LIMA1: variants seen among roughly 807,000 people sequenced by gnomAD.
The protein encoded by LIMA1 is LIM domain and actin binding 1, also known as LIM domain and actin-binding protein 1.
In LIMA1, 52 loss-of-function variants were observed where a neutral mutation model predicts 62.6. That is an observed-to-expected ratio of 0.83 (90% CI 0.67 to 1.05). The LOEUF (loss-of-function observed/expected upper bound fraction) is 1.05, where lower values mean the gene tolerates loss of function less well. LIMA1 is among the 50% of genes least tolerant of loss of function. The pLI, the probability that LIMA1 is intolerant of heterozygous loss-of-function variation, is 0.00. For synonymous variants in LIMA1, 302 were observed against 317.8 expected, an observed-to-expected ratio of 0.95 and a Z score of 0.53; for missense variants, 780 against 902.2, an observed-to-expected ratio of 0.86 and a Z score of 1.74.
At chr12:50,274,753 G>A (rs756313377) in intron 1 of LIMA1, among the ~76,000 whole-genome samples, 2 of 152,144 alleles carry the variant, frequency 1.3e-5, no homozygotes, top group African/African-American at 4.8e-5. Flanking sequence ...ATCAGGGAAG[G>A]CCTCATTGAG....
chr12:50,194,279 G>A (rs956641487), intron 8 of LIMA1, among the ~76,000 whole-genome samples: 15 of 150,174 alleles, frequency 1.0e-4, no homozygotes, highest in African/African-American at 2.9e-4. Context: ...GTGAGCCACC[G>A]TGCCTGGCCA....
chr12:50,232,043 C>CTTTTT lies in LIMA1; in HGVS notation c.120-338_120-334dup, dbSNP rs750844822. 8.1e-4 allele frequency among the ~76,000 whole-genome samples: 68 copies of CTTTTT among 83,476 alleles called. 1 individual carries two copies. The highest frequency in any genetic ancestry group is 1.5e-3 in the African/African-American group (28 of 18,920). The allele number at this position is 83,476 out of a possible 152,430, so 54.8% of individuals were successfully genotyped here. ...TCGGCCTCCCAAAGTGAGTGCCCAG[C>CTTTTT]TTTTTTTTTTTTTTTTTTTTTTTTG... On this transcript the variant is annotated intron_variant, in intron 2 of 10. Coordinates refer to ENST00000341247, the MANE Select transcript of LIMA1 (RefSeq NM_016357.5).
intron 9 of LIMA1, 66 bp from the exon 10 acceptor site, chr12:50,182,103 C>T (rs1940518004): frequency 6.3e-7 from 1 of 1,575,746 alleles, no homozygotes; most frequent in Admixed American, 1.7e-5. Context: ...TGAGATGGAC[C>T]CTAGAATTTA....
chr12:50,273,627 T>C (rs188661062), intron 1 of LIMA1, among the ~76,000 whole-genome samples: 5 of 152,336 alleles, frequency 3.3e-5, no homozygotes, highest in Admixed American at 1.3e-4. Context: ...TTCATTATAA[T>C]GTCTGGTTCA....
At chr12:50,201,574 A>T in intron 6 of LIMA1, 4 of 954,048 alleles carry the variant, frequency 4.2e-6, no homozygotes, top group Non-Finnish European at 5.0e-6. Context: ...TGGGGTGAAT[A>T]TTACAATTAA....
chr12:50,208,364 T>C (rs892935296), intron 4 of LIMA1, among the ~76,000 whole-genome samples: 1 of 152,114 alleles, frequency 6.6e-6, no homozygotes, highest in Non-Finnish European at 1.5e-5. Context: ...CCCGCACCTG[T>C]AATCCCAGCT....
intron 1 of LIMA1, among the ~76,000 whole-genome samples, chr12:50,264,370 T>A (rs1332047899): frequency 1.3e-5 from 2 of 152,192 alleles, no homozygotes; most frequent in African/African-American, 4.8e-5. Flanking sequence ...GGTATATAAT[T>A]TTTCAATAAA....
Position 50,192,545 on chromosome 12 carries a change from C to A in LIMA1, c.1047G>T (p.Lys349Asn). Reference sequence around the variant, plus strand: ...GATGGACAGGCTGTTGAACCTCACTCTTAACCTGGGAGTCACCTGCTTGAG... The same window carrying A: ...GATGGACAGGCTGTTGAACCTCACTATTAACCTGGGAGTCACCTGCTTGAG... Reference protein sequence around the residue: ...AEDDSRDSQVKSEVQQPVHPK... With the variant: ...AEDDSRDSQVNSEVQQPVHPK... The change falls in exon 9 of 11, where the codon AAG becomes AAT. Residue 349 changes from lysine to asparagine, a missense_variant. By Grantham distance (94) the Lys-to-Asn change is moderately conservative. Transcript: ENST00000341247. 1 of 1,613,322 alleles carries A rather than the reference C, an allele frequency of 6.2e-7. No individual in the cohort carries two copies. Among genetic ancestry groups the A allele is most frequent in the South Asian group, 1.1e-5 (1 of 91,064 alleles).
In LIMA1 at chr12:50,206,078, G is replaced by A. The variant is rs777217338; in HGVS notation, c.631-10C>T. On this transcript the variant is annotated splice_polypyrimidine_tract_variant and intron_variant, in intron 4 of 10. Transcript: ENST00000341247. ...TTTGGGCCCGGAGAATCTGGAAAAC[G>A]AAACCCAACGATAAGTTTTGCAGAA... 5.6e-6 allele frequency: 9 copies of A among 1,609,266 alleles called. No homozygotes were observed. Among genetic ancestry groups the A allele is most frequent in the Middle Eastern group, 1.6e-4 (1 of 6,062 alleles).
In LIMA1 at chr12:50,222,389, CTG is replaced by C; in HGVS notation, c.260_261del (p.Thr87ArgfsTer9). 1 of 1,614,148 alleles carries C rather than the reference CTG, an allele frequency of 6.2e-7. No homozygotes were observed. The highest frequency in any genetic ancestry group is 8.5e-7 in the Non-Finnish European group (1 of 1,180,032). Reference sequence around the variant, plus strand: ...TCAGTGCTGCTGTTCCGTAGAGAGTCTGTGTGAGACTCTGCTCCCAGCCCTGG... The same window carrying C: ...TCAGTGCTGCTGTTCCGTAGAGAGTCTGTGAGACTCTGCTCCCAGCCCTGG... The part of the protein sequence containing the change: ...ENPGLGAESH[T>X]DSLRNSSTEI... On this transcript the variant is annotated frameshift_variant, in exon 4 of 11. Coordinates refer to ENST00000341247, the MANE Select transcript of LIMA1 (RefSeq NM_016357.5). LOFTEE classifies it high-confidence loss of function.
chr12:50,259,744 G>A (rs1233440550), intron 1 of LIMA1, among the ~76,000 whole-genome samples: 2 of 152,172 alleles, frequency 1.3e-5, no homozygotes, highest in Admixed American at 1.3e-4. Context: ...TCAGGTATGT[G>A]TAGAAACATG....
At position 50,222,339 on chromosome 12, in the gene LIMA1, A is replaced by G. The variant is rs536862615; in HGVS notation, c.312T>C (p.Pro104=). ...CAGCGTGGCTTGTCACTTCAGCAGG[A>G]GGATGGTCTGCTCTGTGCCTAATCT... is the stretch of plus-strand genomic sequence containing the variant. ...STEIRHRADH[P]PAEVTSHAAS... Residue 104 remains proline (P), a synonymous_variant, in exon 4 of 11, where the codon CCT becomes CCC. Coordinates refer to ENST00000341247, the MANE Select transcript of LIMA1 (RefSeq NM_016357.5). 1 of 1,614,094 alleles carries G rather than the reference A, an allele frequency of 6.2e-7. No homozygotes were observed. Among genetic ancestry groups the G allele is most frequent in the East Asian group, 2.2e-5 (1 of 44,882 alleles).
chr12:50,268,585 C>T (rs1417245803), intron 1 of LIMA1, among the ~76,000 whole-genome samples: 1 of 121,338 alleles, frequency 8.2e-6, no homozygotes. Context: ...TCTTACACTG[C>T]CATGAAGCAA....
intron 1 of LIMA1, among the ~76,000 whole-genome samples, chr12:50,249,244 G>A (rs995524195): frequency 5.3e-5 from 8 of 152,194 alleles, no homozygotes; most frequent in East Asian, 1.9e-4. Context: ...GGGGCGCAGC[G>A]TGGTGTAATA....
In LIMA1 at chr12:50,177,440, T is replaced by C. The variant is rs1940370227; in HGVS notation, c.1904A>G (p.Gln635Arg). The change falls in exon 11 of 11, where the codon CAA becomes CGA. Residue 635 changes from glutamine to arginine, a missense_variant. Gln to Arg is a conservative substitution (Grantham distance 43, BLOSUM62 1). Coordinates refer to ENST00000341247, the MANE Select transcript of LIMA1 (RefSeq NM_016357.5). ...SVGGRVAERKQVENAKASKKN... is the reference protein window; with the variant it reads ...SVGGRVAERKRVENAKASKKN... ...CTTAGAAGCCTTGGCATTTTCCACTTGTTTCCTTTCTGCAACTCTTCCACC... is the reference window on the plus strand; with the variant it reads ...CTTAGAAGCCTTGGCATTTTCCACTCGTTTCCTTTCTGCAACTCTTCCACC... The C allele has an allele frequency of 6.2e-7, 1 of 1,614,184 alleles. No individual in the cohort carries two copies. The highest frequency in any genetic ancestry group is 8.5e-7 in the Non-Finnish European group (1 of 1,180,040).
intron 4 of LIMA1, 115 bp from the exon 5 acceptor site, chr12:50,206,183 A>G (rs914379141): frequency 4.1e-6 from 3 of 736,482 alleles, no homozygotes; most frequent in African/African-American, 3.6e-5. Context: ...TATATTTTAT[A>G]TTCTATAGAA....
At chr12:50,282,927 G>A (rs1253855567) in intron 1 of LIMA1, among the ~76,000 whole-genome samples, 1 of 152,204 alleles carries the variant, frequency 6.6e-6, no homozygotes, top group Non-Finnish European at 1.5e-5. Context: ...CACATCGGCT[G>A]CAAGGACTGC....
intron 4 of LIMA1, among the ~76,000 whole-genome samples, chr12:50,209,850 T>C (rs567712466): frequency 1.6e-4 from 25 of 151,994 alleles, no homozygotes; most frequent in African/African-American, 6.0e-4. Flanking sequence ...TTTGGTAGAG[T>C]TGGGGTTTCA....
intron 3 of LIMA1, among the ~76,000 whole-genome samples, chr12:50,223,328 C>T (rs1259950829): frequency 6.6e-6 from 1 of 151,828 alleles, no homozygotes; most frequent in African/African-American, 2.4e-5. Flanking sequence ...AAAAAAAATA[C>T]AAAAATTAAC....
Sources: allele counts gnomAD v4.1 joint callset (sites outside exome capture counted in the v4.1 genomes callset), GRCh38; gene constraint gnomAD v4.1.1; transcripts MANE v1.5; gene names NCBI Gene and HGNC (gene_info 2026-07-23, HGNC 2026-07-21).